Variants in KIF17 observed in about 807,000 individuals in gnomAD.
KIF17 encodes the protein kinesin-like protein KIF17.
KIF17 carries 80 observed loss-of-function variants against 96.8 expected under a neutral mutation model. The observed-to-expected ratio is 0.83, with a 90% CI of 0.69 to 1.00. KIF17 has a LOEUF of 1.00. Among genes scored for constraint, KIF17 ranks in the 50% least tolerant of loss-of-function variants. KIF17 has a pLI of 0.00. For missense variants in KIF17, 1,280 were observed against 1,372.9 expected (o/e 0.93, Z 1.07); for synonymous variants, 567 against 587.5 (o/e 0.97, Z 0.51).
At chr1:20,705,156 T>C (rs982331912) in intron 4 of KIF17, among the ~76,000 whole-genome samples, 1 of 152,144 alleles carries the variant, frequency 6.6e-6, no homozygotes, top group Non-Finnish European at 1.5e-5. Flanking sequence ...GGGCAGGCTG[T>C]CTCCAGGAGC....
At chr1:20,701,745 G>A (rs565223384) in intron 5 of KIF17, among the ~76,000 whole-genome samples, 113 of 152,290 alleles carry the variant, frequency 7.4e-4, no homozygotes, top group Middle Eastern at 6.8e-3. Flanking sequence ...AGACGGCAAG[G>A]TGAGGCCTGC....
chr1:20,715,129 G>C (rs1283592635), intron 2 of KIF17, among the ~76,000 whole-genome samples: 1 of 152,176 alleles, frequency 6.6e-6, no homozygotes, highest in Non-Finnish European at 1.5e-5. Context: ...GGGTCAGGCT[G>C]GAGATTCAGT....
At position 20,712,739 on chromosome 1, in the gene KIF17, T is replaced by TC. The variant is rs1557606736; in HGVS notation, c.480+714_480+715insG. ...TAAAATTATATTATATCTATATATA[T>TC]TATATATATAAAATTATATTATATC... On this transcript the variant is annotated intron_variant, in intron 3 of 14. Coordinates refer to ENST00000400463, the MANE Select transcript of KIF17 (RefSeq NM_001122819.3). Among the ~76,000 whole-genome samples the TC allele has an allele frequency of 1.5e-3, 25 of 16,862 alleles. 5 individuals carry two copies. Among genetic ancestry groups the TC allele is most frequent in the Non-Finnish European group, 3.1e-3 (18 of 5,840 alleles). The allele number at this position is 16,862 out of a possible 152,430, so 11.1% of individuals were successfully genotyped here.
chr1:20,690,973 C>G (rs551995278), intron 6 of KIF17, among the ~76,000 whole-genome samples: 7 of 151,968 alleles, frequency 4.6e-5, no homozygotes, highest in African/African-American at 9.7e-5. Flanking sequence ...AGGCGTGAGA[C>G]ACCACGCCCG....
intron 7 of KIF17, among the ~76,000 whole-genome samples, chr1:20,689,373 G>A (rs1169090004): frequency 6.6e-6 from 1 of 152,114 alleles, no homozygotes; most frequent in Non-Finnish European, 1.5e-5. Flanking sequence ...ACTAAAGGCT[G>A]AGTGCAGTGG....
In KIF17 at chr1:20,682,683, C is replaced by T. The variant is rs773507745; in HGVS notation, c.2433G>A (p.Lys811=). Residue 811 remains lysine, a synonymous_variant, in exon 11 of 15, where the codon AAG becomes AAA. Transcript: ENST00000400463. ...YDSIQEEVRA[K]SKLLEKMQRK... ...TCTGCATCTTCTCCAGCAGCTTGCT[C>T]TTGGCCCGCACTTCCTCCTGGATGG... 2.6e-5 allele frequency: 42 copies of T among 1,613,932 alleles called. No individual in the cohort carries two copies. The highest frequency in any genetic ancestry group is 4.0e-5 in the African/African-American group (3 of 74,916).
intron 13 of KIF17, among the ~76,000 whole-genome samples, chr1:20,667,266 C>G (rs1471232490): frequency 1.3e-5 from 2 of 152,092 alleles, no homozygotes; most frequent in East Asian, 3.9e-4. Context: ...CATAGGAGGG[C>G]AAACCCTATT....
chr1:20,704,980 C>T lies in KIF17; in HGVS notation c.671-81G>A, dbSNP rs182156197. On this transcript the variant is annotated intron_variant, in intron 4 of 14. Coordinates refer to ENST00000400463, the MANE Select transcript of KIF17 (RefSeq NM_001122819.3). This position sits in a 1 kb window ranked among gnomAD's most constrained non-coding sequence, Gnocchi z 6.8. ...GGCAATCAGTGCCAGGCACTGGGTGCTCAATGCCCACCCACCGAGGGTTCC... is the reference window on the plus strand; with the variant it reads ...GGCAATCAGTGCCAGGCACTGGGTGTTCAATGCCCACCCACCGAGGGTTCC... The T allele has an allele frequency of 3.4e-5, 43 of 1,269,340 alleles. No homozygotes were observed. The African/African-American group carries it at 5.4e-4, about 16-fold the overall frequency. 78.6% of individuals were successfully genotyped at this position (1,269,340 alleles called of 1,614,324 possible).
rs1474888363 is a variant in KIF17, at chr1:20,700,781, G to A, written c.1124-2293C>T. On this transcript the variant is annotated intron_variant, in intron 5 of 14. Transcript: ENST00000400463. This position sits in a 1 kb window ranked among gnomAD's most constrained non-coding sequence, Gnocchi z 4.6. The stretch of plus-strand genomic sequence containing the variant: ...TGGTATATAAACCAGCCGAACCCGA[G>A]TCCACACCCCAAGCCACCTGCTGTA... 6.6e-6 allele frequency among the ~76,000 whole-genome samples: 1 copy of A among 151,570 alleles called. No homozygotes were observed. Among genetic ancestry groups the A allele is most frequent in the Non-Finnish European group, 1.5e-5 (1 of 67,880 alleles).
At chr1:20,671,901 G>T (rs1479888821) in intron 12 of KIF17, 37 bp downstream of exon 12, 3 of 1,606,180 alleles carry the variant, frequency 1.9e-6, no homozygotes, top group Non-Finnish European at 2.5e-6. Flanking sequence ...AGCCGTGAAG[G>T]AGGGAGGGGA....
In KIF17 at chr1:20,704,526, C is replaced by T. The variant is rs1324951572; in HGVS notation, c.1044G>A (p.Ala348=). 8 of 1,614,126 alleles carry T rather than the reference C, an allele frequency of 5.0e-6. No homozygotes were observed. Among genetic ancestry groups the T allele is most frequent in the African/African-American group, 2.7e-5 (2 of 74,940 alleles). ...KPRINEDPKD[A]LLREYQEEIK... ...TCTCCTCCTGGTACTCGCGAAGCAGCGCATCCTTGGGGTCCTCATTGATGC... is the reference window on the plus strand; with the variant it reads ...TCTCCTCCTGGTACTCGCGAAGCAGTGCATCCTTGGGGTCCTCATTGATGC... The change falls in exon 5 of 15, where the codon GCG becomes GCA. Residue 348 remains alanine (A), a synonymous_variant. Coordinates refer to ENST00000400463, the MANE Select transcript of KIF17 (RefSeq NM_001122819.3). This position sits in a 1 kb window ranked among gnomAD's most constrained non-coding sequence, Gnocchi z 6.8.
intron 10 of KIF17, among the ~76,000 whole-genome samples, chr1:20,683,980 C>T (rs573632101): frequency 4.6e-5 from 7 of 152,272 alleles, no homozygotes; most frequent in Non-Finnish European, 8.8e-5. Context: ...GTGTTTACTG[C>T]GTGCCCAGCG....
chr1:20,685,072 G>T lies in KIF17; in HGVS notation c.2020-52C>A. 1 of 1,446,170 alleles carries T rather than the reference G, an allele frequency of 6.9e-7. No individual in the cohort carries two copies. Among genetic ancestry groups the T allele is most frequent in the South Asian group, 1.2e-5 (1 of 82,060 alleles). The allele number at this position is 1,446,170 out of a possible 1,614,324, so 89.6% of individuals were successfully genotyped here. Reference sequence around the variant, plus strand: ...AGGTGGGAAGGCCGCCCCAACCCCCGCCGACAGCTCCCAGGTGGCTCAATC... The same window carrying T: ...AGGTGGGAAGGCCGCCCCAACCCCCTCCGACAGCTCCCAGGTGGCTCAATC... On this transcript the variant is annotated intron_variant, in intron 9 of 14. Coordinates refer to ENST00000400463, the MANE Select transcript of KIF17 (RefSeq NM_001122819.3). The surrounding 1 kb of genome is among the most constrained non-coding windows in gnomAD (Gnocchi z 4.1).
chr1:20,690,921 T>A (rs2054028303), intron 6 of KIF17, among the ~76,000 whole-genome samples: 1 of 151,978 alleles, frequency 6.6e-6, no homozygotes, highest in African/African-American at 2.4e-5. Context: ...TCTCCTGACC[T>A]CGTGATCCAC....
At position 20,698,487 on chromosome 1, in the gene KIF17, G is replaced by C. The variant is rs370800238; in HGVS notation, c.1125C>G (p.Ala375=). Residue 375 remains alanine, a splice_region_variant and synonymous_variant, in exon 6 of 15, where the codon GCC becomes GCG. Transcript: ENST00000400463. ...CTGGGGGCACCTGCCTGGACAGCAG[G>C]GCTGGGGGAGAAACAGAAATTAGCA... ...TQQMSPSSLS[A]LLSRQVPPDP... The C allele has an allele frequency of 6.2e-7, 1 of 1,609,302 alleles. No homozygotes were observed. The highest frequency in any genetic ancestry group is 8.5e-7 in the Non-Finnish European group (1 of 1,177,140).
chr1:20,690,107 C>T, intron 7 of KIF17, 81 bp downstream of exon 7: 2 of 1,491,106 alleles, frequency 1.3e-6, no homozygotes, highest in Non-Finnish European at 9.3e-7. Flanking sequence ...GTAGAAAATG[C>T]TCTGTGATGC....
chr1:20,677,014 C>T (rs952306015), intron 11 of KIF17, among the ~76,000 whole-genome samples: 1 of 151,832 alleles, frequency 6.6e-6, no homozygotes, highest in African/African-American at 2.4e-5. Flanking sequence ...AGTTTGGGAC[C>T]AGCCTGCGCA....
intron 3 of KIF17, among the ~76,000 whole-genome samples, chr1:20,710,540 A>T (rs939343225): frequency 2.0e-5 from 3 of 152,158 alleles, no homozygotes; most frequent in Non-Finnish European, 2.9e-5. Context: ...GCTGTGAAAC[A>T]CGGTATTTTT....
chr1:20,672,826 C>T lies in KIF17; in HGVS notation c.2464-630G>A, dbSNP rs2053671629. The T allele has an allele frequency of 1.8e-5, 3 of 164,536 alleles. No homozygotes were observed. In the South Asian group the frequency reaches 4.8e-4, roughly 26 times the overall value. 10.2% of individuals were successfully genotyped at this position (164,536 alleles called of 1,614,324 possible). On this transcript the variant is annotated intron_variant, in intron 11 of 14. Coordinates refer to ENST00000400463, the MANE Select transcript of KIF17 (RefSeq NM_001122819.3). This position sits in a 1 kb window ranked among gnomAD's most constrained non-coding sequence, Gnocchi z 4.3. ...CCGGTCCCCCGGTCCCTCCTGAGCA[C>T]AGGTGACTGCCAGCCCCAGCCATAA...
Sources: gnomAD v4.1 joint callset for allele counts (sites outside exome capture counted in the v4.1 genomes callset) on GRCh38, gnomAD v4.1.1 for gene constraint, Gnocchi (gnomAD v3.1) non-coding constraint, MANE v1.5 for transcripts, NCBI Gene and HGNC (gene_info 2026-07-23, HGNC 2026-07-21) for gene names.